Variants in SRPRA observed in about 807,000 individuals in gnomAD.
The protein encoded by SRPRA is SRP receptor subunit alpha.
In SRPRA, 30 loss-of-function variants were observed where a neutral mutation model predicts 61.1. The ratio of observed to expected loss-of-function variants is 0.49; its 90% CI spans 0.37 to 0.67. The LOEUF is 0.67. Ranked by LOEUF, SRPRA falls within the 30% of genes least tolerant of loss-of-function variation. The pLI is 0.00. For synonymous variants in SRPRA, 324 were observed against 299.7 expected (o/e 1.08, Z -0.84); for missense variants, 759 against 828.4 (o/e 0.92, Z 1.03).
In SRPRA at chr11:126,263,625, C is replaced by T; in HGVS notation, c.*291G>A. 2.9e-6 allele frequency: 1 copy of T among 344,254 alleles called. No homozygotes were observed. Among genetic ancestry groups the T allele is most frequent in the Non-Finnish European group, 5.4e-6 (1 of 184,728 alleles). 21.3% of individuals were successfully genotyped at this position (344,254 alleles called of 1,614,324 possible). A position where few individuals can be genotyped will look rare whatever the true frequency, so the allele number is the denominator to read the frequency against. ...CTGGTGTTGGGTTCCAACCATTGGT[C>T]AAAGCTGTAATAAGACTGAGTCTGT... On this transcript the variant is annotated 3_prime_UTR_variant, in exon 14 of 14. Transcript: ENST00000332118.
At chr11:126,255,811 G>T in the SRPRA span, among the ~76,000 whole-genome samples, 2 of 151,756 alleles carry the variant, frequency 1.3e-5, no homozygotes, top group African/African-American at 4.8e-5. This position sits in a 1 kb window ranked among gnomAD's most constrained non-coding sequence, Gnocchi z 4.6. Flanking sequence ...AAATTAGCTG[G>T]GCGTGCTGGC....
downstream of SRPRA, chr11:126,261,431 TG>T (rs747120530): frequency 2.5e-5 from 40 of 1,613,850 alleles, no homozygotes; most frequent in Admixed American, 1.2e-4. Context: ...TTAGCAGGGA[TG>T]GTGAGAGAAG....
At chr11:126,257,053 A>C in the SRPRA span, among the ~76,000 whole-genome samples, 4 of 152,262 alleles carry the variant, frequency 2.6e-5, no homozygotes, top group Non-Finnish European at 4.4e-5. Context: ...ATACTTGAGC[A>C]GTTCAATATA....
At position 126,265,356 on chromosome 11, in the gene SRPRA, T is replaced by C. The variant is rs761190736; in HGVS notation, c.1223A>G (p.Asp408Gly). The C allele has an allele frequency of 1.9e-6, 3 of 1,613,278 alleles. No homozygotes were observed. The highest frequency in any genetic ancestry group is 1.7e-5 in the Admixed American group (1 of 59,960). ...QPQRRVDMLR[D>G]IMDAQRRQRP... ...CTGGCGACGCTGGGCATCCATGATG[T>C]CCCGGAGCATGTCTACACGACGCTG... The change falls in exon 10 of 14, where the codon GAC (aspartate) becomes GGC (glycine). Residue 408 changes from aspartate (D) to glycine (G), a missense_variant. By Grantham distance (94) the Asp-to-Gly change is moderately conservative (BLOSUM62 -1). Transcript: ENST00000332118. The surrounding 1 kb of genome is among the most constrained non-coding windows in gnomAD (Gnocchi z 6.3).
chr11:126,262,421 A>G, downstream of SRPRA: 1 of 449,110 alleles, frequency 2.2e-6, no homozygotes. Flanking sequence ...CACACAGCAC[A>G]CCAATGTGAT....
downstream of SRPRA, chr11:126,262,262 G>A (rs562138875): frequency 5.6e-5 from 55 of 984,792 alleles, no homozygotes; most frequent in African/African-American, 5.3e-4. Context: ...GTTGAAGGGC[G>A]GGGTAGAAGA....
the SRPRA span, among the ~76,000 whole-genome samples, chr11:126,236,850 T>C: frequency 4.5e-4 from 68 of 151,764 alleles, no homozygotes; most frequent in African/African-American, 1.6e-3. Context: ...TGTTGCGTTA[T>C]TTTTGATTTA....
chr11:126,250,778 A>T, the SRPRA span: 2 of 1,436,096 alleles, frequency 1.4e-6, no homozygotes, highest in Non-Finnish European at 1.9e-6. This position sits in a 1 kb window ranked among gnomAD's most constrained non-coding sequence, Gnocchi z 5.1. Context: ...AGTGGATTTT[A>T]TCTTCCTCAG....
chr11:126,249,678 G>A, the SRPRA span, among the ~76,000 whole-genome samples: 1 of 137,564 alleles, frequency 7.3e-6, no homozygotes, highest in Non-Finnish European at 1.5e-5. Context: ...GTTGCAGTGA[G>A]CCGAGATCAC....
chr11:126,260,214 G>A (rs989582543), downstream of SRPRA, among the ~76,000 whole-genome samples: 8 of 151,712 alleles, frequency 5.3e-5, no homozygotes, highest in Admixed American at 1.3e-4. Context: ...TGTATTTTTT[G>A]TAGAGATGGG....
At chr11:126,266,365 G>A in intron 6 of SRPRA, 87 bp from the exon 7 acceptor site, 1 of 1,590,744 alleles carries the variant, frequency 6.3e-7, no homozygotes. Context: ...TTTCATTTTG[G>A]GAAGCTCCAA....
downstream of SRPRA, among the ~76,000 whole-genome samples, chr11:126,259,391 A>G (rs543965450): frequency 2.6e-5 from 4 of 151,240 alleles, no homozygotes; most frequent in African/African-American, 9.7e-5. Context: ...AATAATTCTT[A>G]TAATCCATTA....
At chr11:126,237,575 G>A in the SRPRA span, among the ~76,000 whole-genome samples, 5 of 137,146 alleles carry the variant, frequency 3.6e-5, no homozygotes, top group Non-Finnish European at 7.8e-5. Flanking sequence ...GGTGGCTCAC[G>A]CCTGTCATCC....
rs1365338410 is a variant in SRPRA at position 126,264,874 on chromosome 11, CA to C, written c.1525+84del. ...ATTGACCAACGAGTCTGTAGTAGCACAAGCCTGATCTTCTGCAAATTCCAAG... is the reference window on the plus strand; with the variant it reads ...ATTGACCAACGAGTCTGTAGTAGCACAGCCTGATCTTCTGCAAATTCCAAG... On this transcript the variant is annotated intron_variant, in intron 11 of 13. Coordinates refer to ENST00000332118, the MANE Select transcript of SRPRA (RefSeq NM_003139.4). This position sits in a 1 kb window ranked among gnomAD's most constrained non-coding sequence, Gnocchi z 5.0. 3.8e-6 allele frequency: 5 copies of C among 1,308,070 alleles called. No individual in the cohort carries two copies. The highest frequency in any genetic ancestry group is 5.2e-6 in the Non-Finnish European group (5 of 956,428). 81.0% of individuals were successfully genotyped at this position (1,308,070 alleles called of 1,614,324 possible). A position where few individuals can be genotyped will look rare whatever the true frequency, so the allele number is the denominator to read the frequency against.
rs759703906 is a variant in SRPRA, at chr11:126,264,804, C to G, written c.1525+155G>C. The G allele has an allele frequency of 1.3e-4, 107 of 839,266 alleles. No homozygotes were observed. Among genetic ancestry groups the G allele is most frequent in the Non-Finnish European group, 1.9e-4 (107 of 553,710 alleles). 52.0% of individuals were successfully genotyped at this position (839,266 alleles called of 1,614,324 possible). Reference sequence around the variant, plus strand: ...CTTTGCCTGCAACTACATCTGTTATCCAAAAGCAGAGCATGGCAAGTAACT... The same window carrying G: ...CTTTGCCTGCAACTACATCTGTTATGCAAAAGCAGAGCATGGCAAGTAACT... On this transcript the variant is annotated intron_variant, in intron 11 of 13. Coordinates refer to ENST00000332118, the MANE Select transcript of SRPRA (RefSeq NM_003139.4). The surrounding 1 kb of genome is among the most constrained non-coding windows in gnomAD (Gnocchi z 5.0).
At chr11:126,256,909 G>A in the SRPRA span, 1 of 1,525,788 alleles carries the variant, frequency 6.6e-7, no homozygotes, top group Non-Finnish European at 8.9e-7. This position sits in a 1 kb window ranked among gnomAD's most constrained non-coding sequence, Gnocchi z 6.6. Context: ...TCAGCCTTTT[G>A]TGTATTTGTG....
chr11:126,262,191 T>A, downstream of SRPRA: 1 of 1,581,946 alleles, frequency 6.3e-7, no homozygotes, highest in East Asian at 2.2e-5. Context: ...CTACAGACAG[T>A]GTTTAACAAG....
At chr11:126,240,918 C>A in the SRPRA span, 3,392 of 1,614,138 alleles carry the variant, frequency 2.1e-3, 44 homozygotes, top group African/African-American at 0.027. Flanking sequence ...TAATTCAGGC[C>A]TTACTGGATG....
chr11:126,266,816 G>A lies in SRPRA; in HGVS notation c.633C>T (p.Arg211=), dbSNP rs752614796. 29 of 1,614,018 alleles carry A rather than the reference G, an allele frequency of 1.8e-5. No individual in the cohort carries two copies. Among genetic ancestry groups the A allele is most frequent in the Middle Eastern group, 3.3e-4 (2 of 6,084 alleles). The stretch of plus-strand genomic sequence containing the variant: ...TCTGAATGAACTCCTCGCGCTTCCT[G>A]CGGATCAGCTCCTCTTTGGAAAGTT... The part of the protein sequence containing the change: ...GVELSKEELI[R]RKREEFIQKH... The change falls in exon 5 of 14, where the codon CGC becomes CGT. Residue 211 remains arginine (R), a synonymous_variant. Transcript: ENST00000332118.
Sources: allele counts gnomAD v4.1 joint callset (sites outside exome capture counted in the v4.1 genomes callset), GRCh38; gene constraint gnomAD v4.1.1; non-coding constraint Gnocchi (gnomAD v3.1); transcripts MANE v1.5; gene names NCBI Gene and HGNC (gene_info 2026-07-23, HGNC 2026-07-21).